The following CD47 variants were observed in gnomAD, a reference collection of about 807,000 sequenced individuals.
CD47 encodes leukocyte surface antigen CD47.
In CD47, 11 loss-of-function variants were observed where a neutral mutation model predicts 44.6. The observed-to-expected ratio is 0.25, with a 90% CI of 0.16 to 0.41. The LOEUF (loss-of-function observed/expected upper bound fraction) is 0.41. Among genes scored for constraint, CD47 ranks in the 10% least tolerant of loss-of-function variants. CD47 has a pLI of 1.00. For missense variants in CD47, 306 were observed against 386.7 expected (o/e 0.79, Z 1.75); for synonymous variants, 140 against 136.3 (o/e 1.03, Z -0.19).
chr3:108,077,535 T>C (rs1432335092), intron 2 of CD47, among the ~76,000 whole-genome samples: 1 of 152,134 alleles, frequency 6.6e-6, no homozygotes, highest in Middle Eastern at 3.2e-3. Context: ...CCAGTAACCA[T>C]ACTTCTGAGC....
chr3:108,058,433 G>T lies in CD47; in HGVS notation c.692-4C>A. The stretch of plus-strand genomic sequence containing the variant: ...ACGAAGGAGGTTAATCCAATCGCTG[G>T]AGGAAGGAAAAGGATGTAACAGAAG... On this transcript the variant is annotated splice_polypyrimidine_tract_variant and splice_region_variant and intron_variant, in intron 5 of 10. Coordinates refer to ENST00000361309, the MANE Select transcript of CD47 (RefSeq NM_001777.4). 1 of 1,548,088 alleles carries T rather than the reference G, an allele frequency of 6.5e-7. No individual in the cohort carries two copies. The highest frequency in any genetic ancestry group is 2.3e-5 in the East Asian group (1 of 42,710).
rs1185435363 is a variant in CD47, at chr3:108,044,947, C to T, written c.*2341G>A. On this transcript the variant is annotated 3_prime_UTR_variant, in exon 11 of 11. Coordinates refer to ENST00000361309, the MANE Select transcript of CD47 (RefSeq NM_001777.4). ...TACATGATGTGCAAAACACTGTCTG[C>T]AATTTAAATGTGATGTGATGGAATT... 1 of 152,582 alleles carries T rather than the reference C, an allele frequency of 6.6e-6. No individual in the cohort carries two copies. Among genetic ancestry groups the T allele is most frequent in the Non-Finnish European group, 1.5e-5 (1 of 68,028 alleles). 9.5% of individuals were successfully genotyped at this position (152,582 alleles called of 1,614,324 possible).
intron 7 of CD47, chr3:108,054,870 T>C (rs2078887715): frequency 6.6e-6 from 1 of 152,226 alleles, no homozygotes; most frequent in Non-Finnish European, 1.5e-5. Flanking sequence ...AAACACTATA[T>C]GCCCTTATAT....
intron 10 of CD47, among the ~76,000 whole-genome samples, chr3:108,048,309 T>A (rs953889260): frequency 3.3e-5 from 5 of 151,596 alleles, no homozygotes. Context: ...GTAGGATCAT[T>A]CTGTGACTCC....
intron 6 of CD47, among the ~76,000 whole-genome samples, chr3:108,057,993 C>T (rs1038684823): frequency 6.6e-6 from 1 of 152,132 alleles, no homozygotes; most frequent in Non-Finnish European, 1.5e-5. Flanking sequence ...ATGCTAAATG[C>T]TGTCAAGTAT....
At chr3:108,070,194 C>T (rs1400008936) in intron 3 of CD47, among the ~76,000 whole-genome samples, 1 of 152,114 alleles carries the variant, frequency 6.6e-6, no homozygotes, top group Non-Finnish European at 1.5e-5. Context: ...TACAACAGGG[C>T]AATCCACTGC....
intron 7 of CD47, 97 bp downstream of exon 7, chr3:108,057,380 T>C (rs1250106121): frequency 1.6e-6 from 1 of 624,036 alleles, no homozygotes; most frequent in Admixed American, 2.6e-5. Context: ...TATTTTCTCA[T>C]TTTTGGTCCT....
chr3:108,047,212 C>A lies in CD47; in HGVS notation c.*76G>T. On this transcript the variant is annotated 3_prime_UTR_variant, in exon 11 of 11. Transcript: ENST00000361309. Reference sequence around the variant, plus strand: ...TCTCCCCAACAGTGAATCATCAAGGCCATGGTGCTTAAACACAAGTGTATT... The same window carrying A: ...TCTCCCCAACAGTGAATCATCAAGGACATGGTGCTTAAACACAAGTGTATT... The A allele has an allele frequency of 8.2e-7, 1 of 1,218,758 alleles. No individual in the cohort carries two copies. Among genetic ancestry groups the A allele is most frequent in the Non-Finnish European group, 1.2e-6 (1 of 835,326 alleles). The allele number at this position is 1,218,758 out of a possible 1,614,324, so 75.5% of individuals were successfully genotyped here. A position where few individuals can be genotyped will look rare whatever the true frequency, so the allele number is the denominator to read the frequency against.
intron 3 of CD47, among the ~76,000 whole-genome samples, chr3:108,063,477 G>A (rs562536031): frequency 7.2e-5 from 11 of 152,226 alleles, no homozygotes; most frequent in African/African-American, 2.6e-4. Context: ...GTATCTTGTT[G>A]CTAGCCCAGT....
rs748880512 is a variant in CD47, at chr3:108,051,987, A to G, written c.878-17T>C. On this transcript the variant is annotated splice_polypyrimidine_tract_variant and intron_variant, in intron 7 of 10. Transcript: ENST00000361309. ...GATTGGAAGCTGATATAAATAACAA[A>G]TAAGAATATAAATTTAATAAATGAA... 7 of 1,148,804 alleles carry G rather than the reference A, an allele frequency of 6.1e-6. No homozygotes were observed. The highest frequency in any genetic ancestry group is 3.9e-6 in the Non-Finnish European group (3 of 771,086). The allele number at this position is 1,148,804 out of a possible 1,614,324, so 71.2% of individuals were successfully genotyped here. A position where few individuals can be genotyped will look rare whatever the true frequency, so the allele number is the denominator to read the frequency against.
chr3:108,071,506 T>C (rs2079202252), intron 2 of CD47, among the ~76,000 whole-genome samples: 1 of 152,206 alleles, frequency 6.6e-6, no homozygotes, highest in Non-Finnish European at 1.5e-5. Context: ...TGAACCCAAC[T>C]CTAACTTAAC....
At chr3:108,050,118 ATTCT>A (rs2078800047) in intron 9 of CD47, among the ~76,000 whole-genome samples, 1 of 152,064 alleles carries the variant, frequency 6.6e-6, no homozygotes, top group African/African-American at 2.4e-5. Flanking sequence ...AATATTCATA[ATTCT>A]TTTTTATTTT....
At position 108,050,603 on chromosome 3, in the gene CD47, C is replaced by A; in HGVS notation, c.910-1G>T. The A allele has an allele frequency of 9.2e-7, 1 of 1,089,204 alleles. No individual in the cohort carries two copies. Among genetic ancestry groups the A allele is most frequent in the Non-Finnish European group, 1.3e-6 (1 of 748,132 alleles). 67.5% of individuals were successfully genotyped at this position (1,089,204 alleles called of 1,614,324 possible). A position where few individuals can be genotyped will look rare whatever the true frequency, so the allele number is the denominator to read the frequency against. On this transcript the variant is annotated splice_acceptor_variant, in intron 8 of 10. Coordinates refer to ENST00000361309, the MANE Select transcript of CD47 (RefSeq NM_001777.4). LOFTEE classifies it high-confidence loss of function. Reference sequence around the variant, plus strand: ...CATTAAGGGGTTCCTCTACAGCTTTCTGAAAAATATTTAAAATATATTTAC... The same window carrying A: ...CATTAAGGGGTTCCTCTACAGCTTTATGAAAAATATTTAAAATATATTTAC...
At chr3:108,050,282 T>C (rs1158644251) in intron 9 of CD47, among the ~76,000 whole-genome samples, 1 of 151,912 alleles carries the variant, frequency 6.6e-6, no homozygotes, top group Non-Finnish European at 1.5e-5. Context: ...CATGCCCAGG[T>C]AATTTTTGTA....
chr3:108,052,926 C>G, intron 7 of CD47: 1 of 152,600 alleles, frequency 6.6e-6, no homozygotes, highest in Non-Finnish European at 1.5e-5. Context: ...TGGGGTCGTG[C>G]CACTGCACTC....
chr3:108,059,539 A>G lies in CD47; in HGVS notation c.604T>C (p.Tyr202His). ...VGAILFVPGE[Y>H]SLKNATGLGL... is the part of the protein sequence containing the mutation. ...AGGCCAGTAGCATTCTTTAATGAATATTCACCTGTCAATAAATAAAAACAT... is the reference window on the plus strand; with the variant it reads ...AGGCCAGTAGCATTCTTTAATGAATGTTCACCTGTCAATAAATAAAAACAT... Residue 202 changes from tyrosine to histidine, a missense_variant, in exon 5 of 11, where the codon TAT becomes CAT. Physicochemically the swap from Tyr to His is moderately conservative, Grantham distance 83 (BLOSUM62 2). Coordinates refer to ENST00000361309, the MANE Select transcript of CD47 (RefSeq NM_001777.4). 3 of 1,421,048 alleles carry G rather than the reference A, an allele frequency of 2.1e-6. No homozygotes were observed. In the South Asian group the frequency reaches 4.0e-5, roughly 19 times the overall value. 88.0% of individuals were successfully genotyped at this position (1,421,048 alleles called of 1,614,324 possible).
chr3:108,067,962 T>A (rs945769795), intron 3 of CD47, among the ~76,000 whole-genome samples: 5 of 152,114 alleles, frequency 3.3e-5, no homozygotes, highest in Admixed American at 6.5e-5. Context: ...TTTAGCCTGG[T>A]AAAGGTCCAG....
At chr3:108,076,652 C>T (rs2079316801) in intron 2 of CD47, among the ~76,000 whole-genome samples, 1 of 152,122 alleles carries the variant, frequency 6.6e-6, no homozygotes, top group African/African-American at 2.4e-5. Flanking sequence ...GAGAGGATAA[C>T]AGGACACGAC....
intron 7 of CD47, chr3:108,054,390 C>T (rs1239356832): frequency 6.6e-6 from 1 of 152,200 alleles, no homozygotes; most frequent in Admixed American, 6.5e-5. Context: ...TTCAAAGGGA[C>T]ATCAGTCAGT....
Sources: gnomAD v4.1 joint callset for allele counts (sites outside exome capture counted in the v4.1 genomes callset) on GRCh38, gnomAD v4.1.1 for gene constraint, MANE v1.5 for transcripts, NCBI Gene and HGNC (gene_info 2026-07-23, HGNC 2026-07-21) for gene names.